The following LARGE1 variants were observed in gnomAD, a reference collection of about 807,000 sequenced individuals.
LARGE1 encodes LARGE xylosyl- and glucuronyltransferase 1, also known as xylosyl- and glucuronyltransferase LARGE1.
LARGE1 carries 43 observed loss-of-function variants against 87.6 expected under a neutral mutation model. That is an observed-to-expected ratio of 0.49 (90% CI 0.38 to 0.63). The LOEUF (loss-of-function observed/expected upper bound fraction) is 0.63, where lower values mean the gene tolerates loss of function less well. Among genes scored for constraint, LARGE1 ranks in the 30% least tolerant of loss-of-function variants. The pLI is 0.00. For missense variants in LARGE1, 802 were observed against 1,000.2 expected, an observed-to-expected ratio of 0.80 and a Z score of 2.67; for synonymous variants, 434 against 394.6, an observed-to-expected ratio of 1.10 and a Z score of -1.18.
intron 3 of LARGE1, among the ~76,000 whole-genome samples, chr22:33,635,568 AC>A (rs751838993): frequency 2.6e-5 from 4 of 152,100 alleles, no homozygotes; most frequent in African/African-American, 9.7e-5. Context: ...GAATTTCTAT[AC>A]AGCATTTTCC....
chr22:33,147,081 T>C, the LARGE1 span, among the ~76,000 whole-genome samples: 1 of 152,352 alleles, frequency 6.6e-6, no homozygotes, highest in Non-Finnish European at 1.5e-5. Flanking sequence ...AGTAGTGTAG[T>C]ATTTCATTGT....
chr22:33,426,912 C>T (rs1216856701), intron 7 of LARGE1, among the ~76,000 whole-genome samples: 2 of 152,224 alleles, frequency 1.3e-5, no homozygotes, highest in Non-Finnish European at 2.9e-5. Context: ...GTGCTTGAGT[C>T]GCCTTTGGGG....
At chr22:33,461,749 T>C (rs147806097) in intron 6 of LARGE1, among the ~76,000 whole-genome samples, 6 of 151,336 alleles carry the variant, frequency 4.0e-5, no homozygotes, top group African/African-American at 1.5e-4. Context: ...GCACACACAC[T>C]CTCTCTGTCT....
intron 11 of LARGE1, among the ~76,000 whole-genome samples, chr22:33,194,788 A>G (rs1923979684): frequency 6.6e-6 from 1 of 152,176 alleles, no homozygotes; most frequent in African/African-American, 2.4e-5. Context: ...CCAACTGCGT[A>G]ATCTTACAGA....
At chr22:33,647,759 GA>G (rs2080663884) in intron 3 of LARGE1, among the ~76,000 whole-genome samples, 2 of 150,638 alleles carry the variant, frequency 1.3e-5, no homozygotes, top group Admixed American at 6.6e-5. Context: ...GCAGGAACTT[GA>G]TTTTTTTTTT....
Position 33,181,272 on chromosome 22 carries a change from C to A in LARGE1, c.1731-14440G>T, listed in dbSNP as rs1449383082. 9.2e-5 allele frequency among the ~76,000 whole-genome samples: 14 copies of A among 152,230 alleles called. No homozygotes were observed. In the East Asian group the frequency reaches 2.7e-3, roughly 29 times the overall value. On this transcript the variant is annotated intron_variant, in intron 11 of 11. Transcript: ENST00000608642. ...AGGTCCAATCCAGCAGTTTAATTAA[C>A]CTACTCTTTAAAGATACATGATTTT...
intron 9 of LARGE1, among the ~76,000 whole-genome samples, chr22:33,339,486 G>T (rs534044970): frequency 6.6e-6 from 1 of 152,078 alleles, no homozygotes. Context: ...AGGAACATCC[G>T]TAACTCTAGG....
chr22:33,448,278 A>T (rs182656250), intron 6 of LARGE1, among the ~76,000 whole-genome samples: 3 of 152,340 alleles, frequency 2.0e-5, no homozygotes, highest in African/African-American at 7.2e-5. Context: ...ATAGAAAATT[A>T]TGATGAGGGT....
chr22:33,767,960 T>C (rs1206828893), intron 1 of LARGE1, among the ~76,000 whole-genome samples: 1 of 152,176 alleles, frequency 6.6e-6, no homozygotes, highest in Non-Finnish European at 1.5e-5. Flanking sequence ...TCTTACAAGG[T>C]GCTGTCCCAG....
intron 2 of LARGE1, among the ~76,000 whole-genome samples, chr22:33,761,117 T>C (rs564377418): frequency 1.3e-5 from 2 of 152,110 alleles, no homozygotes; most frequent in Non-Finnish European, 2.9e-5. Flanking sequence ...GACAAAGTAA[T>C]TGACTTGATT....
At chr22:33,817,883 A>C (rs1601689790) in intron 1 of LARGE1, among the ~76,000 whole-genome samples, 1 of 151,802 alleles carries the variant, frequency 6.6e-6, no homozygotes, top group South Asian at 2.1e-4. Flanking sequence ...TCCACTCATG[A>C]TAGATGGAGA....
At chr22:33,460,127 G>A (rs1004383192) in intron 6 of LARGE1, among the ~76,000 whole-genome samples, 5 of 152,214 alleles carry the variant, frequency 3.3e-5, no homozygotes, top group African/African-American at 1.2e-4. Flanking sequence ...GTCAAAGGAT[G>A]AGAGGAAATG....
rs371704767 is a variant in LARGE1, at chr22:33,558,213, C to A, written c.787+6635G>T. On this transcript the variant is annotated intron_variant, in intron 6 of 14. Coordinates refer to ENST00000397394, the MANE Select transcript of LARGE1 (RefSeq NM_133642.5). ...CCAGCCAAGAAGGGAAGCCTTTAAT[C>A]AGGAAAATCTGACTGGCATAAGGTC... Among the ~76,000 whole-genome samples the A allele has an allele frequency of 5.9e-5, 9 of 152,274 alleles. 1 individual carries two copies. The East Asian group carries it at 1.5e-3, about 26-fold the overall frequency.
At chr22:33,518,039 C>A (rs1487481775) in intron 6 of LARGE1, among the ~76,000 whole-genome samples, 1 of 152,232 alleles carries the variant, frequency 6.6e-6, no homozygotes, top group African/African-American at 2.4e-5. Flanking sequence ...GGCACCCTCT[C>A]TTCTCAAGGC....
chr22:33,505,642 CT>C (rs1365003717), intron 6 of LARGE1, among the ~76,000 whole-genome samples: 2 of 152,164 alleles, frequency 1.3e-5, no homozygotes, highest in Admixed American at 1.3e-4. Flanking sequence ...AGCCAGAACT[CT>C]TTGTAGACAC....
intron 11 of LARGE1, among the ~76,000 whole-genome samples, chr22:33,170,283 C>G (rs538391076): frequency 6.6e-6 from 1 of 152,028 alleles, no homozygotes; most frequent in Non-Finnish European, 1.5e-5. Flanking sequence ...GCAGGAGAAT[C>G]GCTTGAACCC....
At chr22:33,260,813 T>C (rs1213734047) in intron 11 of LARGE1, among the ~76,000 whole-genome samples, 1 of 152,198 alleles carries the variant, frequency 6.6e-6, no homozygotes, top group African/African-American at 2.4e-5. Context: ...TTCCCCTTCA[T>C]AAGCCCCTTG....
chr22:33,096,334 T>C, the LARGE1 span, among the ~76,000 whole-genome samples: 1 of 149,418 alleles, frequency 6.7e-6, no homozygotes, highest in Non-Finnish European at 1.5e-5. Flanking sequence ...GAGAATCACT[T>C]GAATCTGAAG....
At chr22:33,141,518 G>A in the LARGE1 span, among the ~76,000 whole-genome samples, 41 of 151,824 alleles carry the variant, frequency 2.7e-4, no homozygotes, top group Middle Eastern at 3.4e-3. Context: ...AGTTATATAC[G>A]TATAAAATAC....
Sources: allele counts gnomAD v4.1 joint callset (sites outside exome capture counted in the v4.1 genomes callset), GRCh38; gene constraint gnomAD v4.1.1; transcripts MANE v1.5; gene names NCBI Gene and HGNC (gene_info 2026-07-23, HGNC 2026-07-21).